Variants in RNF19A observed in about 807,000 individuals in gnomAD.
RNF19A encodes the protein E3 ubiquitin-protein ligase RNF19A.
Under a neutral mutation model 75.7 loss-of-function variants are expected in RNF19A, and 32 were observed. The observed-to-expected ratio is 0.42, with a 90% CI of 0.32 to 0.57. The LOEUF (loss-of-function observed/expected upper bound fraction) is 0.57, where lower values mean the gene tolerates loss of function less well. RNF19A is among the 20% of genes least tolerant of loss of function. RNF19A has a pLI of 0.10. For synonymous variants in RNF19A, 335 were observed against 345.2 expected, an observed-to-expected ratio of 0.97 and a Z score of 0.33; for missense variants, 782 against 1,036.3, an observed-to-expected ratio of 0.75 and a Z score of 3.37.
At chr8:100,273,301 C>T (rs1820349633) in intron 3 of RNF19A, among the ~76,000 whole-genome samples, 1 of 152,172 alleles carries the variant, frequency 6.6e-6, no homozygotes, top group African/African-American at 2.4e-5. Flanking sequence ...TAATTACCCT[C>T]AAAGCTCCTT....
intron 1 of RNF19A, among the ~76,000 whole-genome samples, chr8:100,334,644 T>C (rs1822653491): frequency 6.6e-6 from 1 of 152,154 alleles, no homozygotes; most frequent in Non-Finnish European, 1.5e-5. Flanking sequence ...CCAGCATTGG[T>C]ATGTTTTCTA....
chr8:100,326,174 C>A (rs1458533884), intron 1 of RNF19A, among the ~76,000 whole-genome samples: 2 of 152,126 alleles, frequency 1.3e-5, no homozygotes, highest in African/African-American at 4.8e-5. Context: ...ACGAAACTCT[C>A]TTACCCTGTT....
At chr8:100,327,104 T>C (rs1483813655) in intron 1 of RNF19A, among the ~76,000 whole-genome samples, 4 of 152,184 alleles carry the variant, frequency 2.6e-5, no homozygotes, top group Non-Finnish European at 5.9e-5. Flanking sequence ...CCCACACATC[T>C]TTGGTTTGGT....
At chr8:100,263,974 G>T in intron 7 of RNF19A, 60 bp downstream of exon 7, 1 of 1,400,062 alleles carries the variant, frequency 7.1e-7, no homozygotes. Flanking sequence ...GTTATCTCTG[G>T]CCTCCCCACT....
intron 1 of RNF19A, among the ~76,000 whole-genome samples, chr8:100,305,875 T>C (rs1475400519): frequency 6.6e-6 from 1 of 152,174 alleles, no homozygotes. Flanking sequence ...TACCAATACG[T>C]GACTTAGAAA....
At chr8:100,328,350 C>T (rs1157511006) in intron 1 of RNF19A, among the ~76,000 whole-genome samples, 1 of 152,156 alleles carries the variant, frequency 6.6e-6, no homozygotes, top group African/African-American at 2.4e-5. Context: ...TTATCAAATC[C>T]AAGAGACAAA....
At chr8:100,310,559 A>G (rs1822265764), upstream of RNF19A, among the ~76,000 whole-genome samples, 1 of 152,186 alleles carries the variant, frequency 6.6e-6, no homozygotes, top group African/African-American at 2.4e-5. Flanking sequence ...CTAGATTGGC[A>G]GGCCGAGGGA....
In RNF19A at chr8:100,284,924, T is replaced by C. The variant is rs1820944733; in HGVS notation, c.674+2577A>G. 6.6e-6 allele frequency among the ~76,000 whole-genome samples: 1 copy of C among 152,166 alleles called. No homozygotes were observed. Among genetic ancestry groups the C allele is most frequent in the Non-Finnish European group, 1.5e-5 (1 of 67,996 alleles). On this transcript the variant is annotated intron_variant, in intron 2 of 9. Coordinates refer to ENST00000341084, the MANE Select transcript of RNF19A (RefSeq NM_183419.4). The surrounding 1 kb of genome is among the most constrained non-coding windows in gnomAD (Gnocchi z 4.3). ...AGTGCTATTAAAAATTGTATCAGTA[T>C]ACTAAGCATGAACTGGAAATCAGAA...
rs1202614967 is a variant in RNF19A, at chr8:100,260,899, T to G, written c.1682+643A>C. Among the ~76,000 whole-genome samples the G allele has an allele frequency of 6.6e-6, 1 of 152,178 alleles. No homozygotes were observed. The highest frequency in any genetic ancestry group is 2.1e-4 in the South Asian group (1 of 4,830). ...TCCTGGATGTCCTGACTCCACCTGT[T>G]TCCCAGGACTCAGCCAAAGTCCCAT... On this transcript the variant is annotated intron_variant, in intron 8 of 9. Coordinates refer to ENST00000341084, the MANE Select transcript of RNF19A (RefSeq NM_183419.4). This position sits in a 1 kb window ranked among gnomAD's most constrained non-coding sequence, Gnocchi z 4.1.
intron 1 of RNF19A, chr8:100,303,014 C>T (rs1181932790): frequency 1.3e-5 from 2 of 152,222 alleles, no homozygotes; most frequent in Non-Finnish European, 2.9e-5. Context: ...TGTTTAGTCT[C>T]TGATCATCAT....
At chr8:100,326,634 T>C (rs117886629) in intron 1 of RNF19A, among the ~76,000 whole-genome samples, 1 of 152,296 alleles carries the variant, frequency 6.6e-6, no homozygotes, top group East Asian at 1.9e-4. Context: ...TCCCATGCCA[T>C]CTCTCCCTGC....
Position 100,324,790 on chromosome 8 carries a change from T to C in RNF19A, c.-243+11318A>G, listed in dbSNP as rs948794150. On this transcript the variant is annotated intron_variant, in intron 1 of 3. Transcript: ENST00000519527. This position sits in a 1 kb window ranked among gnomAD's most constrained non-coding sequence, Gnocchi z 4.2. Reference sequence around the variant, plus strand: ...GATTAAAGGCATTGATCTATCTTTTTTCTTTCTTTCTCTTTCTTCTTCCTT... The same window carrying C: ...GATTAAAGGCATTGATCTATCTTTTCTCTTTCTTTCTCTTTCTTCTTCCTT... Among the ~76,000 whole-genome samples the C allele has an allele frequency of 3.9e-5, 6 of 152,092 alleles. No homozygotes were observed. The highest frequency in any genetic ancestry group is 1.2e-4 in the African/African-American group (5 of 41,442).
chr8:100,294,214 G>C (rs911003450), intron 1 of RNF19A, among the ~76,000 whole-genome samples: 1 of 152,140 alleles, frequency 6.6e-6, no homozygotes, highest in Non-Finnish European at 1.5e-5. Context: ...GTCTTCTCCT[G>C]AAGAGTGAGG....
Position 100,264,808 on chromosome 8 carries a change from T to C in RNF19A, c.1192-23A>G. 2 of 1,507,342 alleles carry C rather than the reference T, an allele frequency of 1.3e-6. No homozygotes were observed. The highest frequency in any genetic ancestry group is 1.8e-6 in the Non-Finnish European group (2 of 1,083,904). The allele number at this position is 1,507,342 out of a possible 1,614,324, so 93.4% of individuals were successfully genotyped here. A position where few individuals can be genotyped will look rare whatever the true frequency, so the allele number is the denominator to read the frequency against. On this transcript the variant is annotated intron_variant, in intron 5 of 9. Coordinates refer to ENST00000341084, the MANE Select transcript of RNF19A (RefSeq NM_183419.4). The surrounding 1 kb of genome is among the most constrained non-coding windows in gnomAD (Gnocchi z 4.7). ...AATCTTGAATTAATAAAAATAGGGG[T>C]GGGGGATTAAAGAGAAAATACATTA...
At chr8:100,272,968 C>A (rs1820330389) in intron 3 of RNF19A, among the ~76,000 whole-genome samples, 1 of 152,034 alleles carries the variant, frequency 6.6e-6, no homozygotes, top group Non-Finnish European at 1.5e-5. Context: ...TAGGCTCAAA[C>A]GATCCTCCCA....
rs1822643335 is a variant in RNF19A, at chr8:100,333,990, A to G, written c.-243+2118T>C. ...CAAGTGTATTTACTACTACTGCCCA[A>G]TAAACATCCTCCACCCTAGTTGGAC... On this transcript the variant is annotated intron_variant, in intron 1 of 3. Coordinates refer to the RNF19A transcript ENST00000519527. The surrounding 1 kb of genome is among the most constrained non-coding windows in gnomAD (Gnocchi z 4.7). 6.6e-6 allele frequency among the ~76,000 whole-genome samples: 1 copy of G among 152,192 alleles called. No homozygotes were observed. Among genetic ancestry groups the G allele is most frequent in the Admixed American group, 6.5e-5 (1 of 15,278 alleles).
At chr8:100,314,879 A>G (rs1822350369), upstream of RNF19A, among the ~76,000 whole-genome samples, 1 of 152,144 alleles carries the variant, frequency 6.6e-6, no homozygotes, top group Admixed American at 6.5e-5. This position sits in a 1 kb window ranked among gnomAD's most constrained non-coding sequence, Gnocchi z 4.1. Flanking sequence ...ACACCTAGTG[A>G]GAGAAAGAGG....
Position 100,317,589 on chromosome 8 carries a change from C to T in RNF19A, c.-242-4217G>A, listed in dbSNP as rs1207919673. ...TTCCCATTTGCCTACTCCAGTCTTT[C>T]TTGGTTCCCTTCCCTGTTTGACTGA... On this transcript the variant is annotated intron_variant, in intron 1 of 3. Transcript: ENST00000519527. This position sits in a 1 kb window ranked among gnomAD's most constrained non-coding sequence, Gnocchi z 4.3. Among the ~76,000 whole-genome samples the T allele has an allele frequency of 6.6e-6, 1 of 152,170 alleles. No individual in the cohort carries two copies. Among genetic ancestry groups the T allele is most frequent in the East Asian group, 1.9e-4 (1 of 5,186 alleles).
chr8:100,258,595 C>G lies in RNF19A; in HGVS notation c.2478G>C (p.Gln826His), dbSNP rs377389531. The G allele has an allele frequency of 3.1e-6, 5 of 1,612,868 alleles. No individual in the cohort carries two copies. The African/African-American group carries it at 5.3e-5, about 17-fold the overall frequency. Reference protein sequence around the residue: ...LKETNNNHSHQTMELKVAIQT... With the variant: ...LKETNNNHSHHTMELKVAIQT... ...GAATTGCAACTTTTAATTCCATTGTCTGATGTGAGTGGTTGTTATTTGTTT... is the reference window on the plus strand; with the variant it reads ...GAATTGCAACTTTTAATTCCATTGTGTGATGTGAGTGGTTGTTATTTGTTT... The change falls in exon 10 of 10, where the codon CAG (glutamine) becomes CAC (histidine). Residue 826 changes from glutamine (Q) to histidine (H), a missense_variant. Physicochemically the swap from Gln to His is conservative, Grantham distance 24 (BLOSUM62 0). Around this residue, in one of 7 missense-constraint regions of RNF19A, gnomAD observed 442 missense variants for 541.6 expected, o/e 0.82. Transcript: ENST00000341084. This position sits in a 1 kb window ranked among gnomAD's most constrained non-coding sequence, Gnocchi z 4.3.
Sources: allele counts gnomAD v4.1 joint callset (sites outside exome capture counted in the v4.1 genomes callset), GRCh38; gene constraint gnomAD v4.1.1; regional missense constraint gnomAD v4.1.1; non-coding constraint Gnocchi (gnomAD v3.1); transcripts MANE v1.5; gene names NCBI Gene and HGNC (gene_info 2026-07-23, HGNC 2026-07-21).